Variants in HOXD3 observed in about 807,000 individuals in gnomAD.
The protein encoded by HOXD3 is homeobox protein Hox-D3.
Under a neutral mutation model 32.8 loss-of-function variants are expected in HOXD3, and 13 were observed. The observed-to-expected ratio is 0.40, with a 90% CI of 0.26 to 0.63. The LOEUF (loss-of-function observed/expected upper bound fraction) is 0.63. Among genes scored for constraint, HOXD3 ranks in the 20% least tolerant of loss-of-function variants. HOXD3 has a pLI of 0.44. For missense variants in HOXD3, 504 were observed against 577.1 expected, an observed-to-expected ratio of 0.87 and a Z score of 1.30; for synonymous variants, 241 against 246.8, an observed-to-expected ratio of 0.98 and a Z score of 0.22.
intron 1 of HOXD3, among the ~76,000 whole-genome samples, chr2:176,162,684 C>T (rs1415355407): frequency 6.6e-6 from 1 of 152,128 alleles, no homozygotes; most frequent in Non-Finnish European, 1.5e-5. Flanking sequence ...GCCTCTTACG[C>T]CAAGAGCTCA....
chr2:176,170,128 C>A (rs1386413080), intron 3 of HOXD3, among the ~76,000 whole-genome samples: 2 of 152,100 alleles, frequency 1.3e-5, no homozygotes, highest in East Asian at 1.9e-4. Flanking sequence ...TTTCAAAGAA[C>A]CTTTTGAGGT....
At chr2:176,158,817 AC>A (rs796798335) in intron 1 of HOXD3, among the ~76,000 whole-genome samples, 15 of 74,786 alleles carry the variant, frequency 2.0e-4, no homozygotes, top group South Asian at 1.1e-3. Flanking sequence ...CTCCCCTCCC[AC>A]CCCCCCCACT....
At chr2:176,158,379 T>C (rs1237132918) in intron 1 of HOXD3, among the ~76,000 whole-genome samples, 2 of 152,168 alleles carry the variant, frequency 1.3e-5, no homozygotes, top group African/African-American at 2.4e-5. Flanking sequence ...CTCCGCTCCG[T>C]TCCACCCCAT....
upstream of HOXD3, chr2:176,152,534 G>A (rs1690560815): frequency 4.6e-6 from 6 of 1,309,402 alleles, no homozygotes; most frequent in Admixed American, 6.9e-5. This position sits in a 1 kb window ranked among gnomAD's most constrained non-coding sequence, Gnocchi z 5.2. Context: ...GCGCCAGGAA[G>A]TGAGCGGCGG....
At chr2:176,161,606 A>G (rs1244120377) in intron 1 of HOXD3, among the ~76,000 whole-genome samples, 1 of 152,160 alleles carries the variant, frequency 6.6e-6, no homozygotes, top group African/African-American at 2.4e-5. Context: ...TTGTTCCGGT[A>G]GCGAGCTCCA....
chr2:176,171,390 C>T (rs759212333), intron 3 of HOXD3, 127 bp from the exon 4 acceptor site: 7 of 901,884 alleles, frequency 7.8e-6, no homozygotes, highest in African/African-American at 1.7e-5. Flanking sequence ...ACGGCCCTTC[C>T]CCTCCCCAGC....
intron 1 of HOXD3, among the ~76,000 whole-genome samples, chr2:176,163,036 C>A (rs375393500): frequency 6.6e-6 from 1 of 152,104 alleles, no homozygotes; most frequent in African/African-American, 2.4e-5. Context: ...GGGGGGCGGG[C>A]AAGTGGCTTT....
At chr2:176,165,907 TTTTTAGG>T (rs1438716281) in intron 2 of HOXD3, among the ~76,000 whole-genome samples, 1 of 152,200 alleles carries the variant, frequency 6.6e-6, no homozygotes, top group Non-Finnish European at 1.5e-5. Flanking sequence ...CCGTTCCTGC[TTTTTAGG>T]TTCAAGCAGA....
At chr2:176,168,610 G>A (rs952804744) in intron 2 of HOXD3, among the ~76,000 whole-genome samples, 2 of 145,624 alleles carry the variant, frequency 1.4e-5, no homozygotes, top group East Asian at 3.9e-4. Context: ...GCCAGGCATG[G>A]TGGGCACCTG....
upstream of HOXD3, among the ~76,000 whole-genome samples, chr2:176,153,797 C>T (rs999066229): frequency 3.3e-5 from 5 of 151,952 alleles, no homozygotes; most frequent in African/African-American, 1.2e-4. Context: ...TTTTTCAGCA[C>T]TGTGCTTACA....
chr2:176,160,419 C>G (rs990601187), intron 1 of HOXD3, among the ~76,000 whole-genome samples: 5 of 152,202 alleles, frequency 3.3e-5, no homozygotes, highest in Admixed American at 3.3e-4. Flanking sequence ...AAGACTGAGT[C>G]GGCCCGGAGC....
chr2:176,160,595 T>G (rs1489059131), intron 1 of HOXD3, among the ~76,000 whole-genome samples: 1 of 152,162 alleles, frequency 6.6e-6, no homozygotes, highest in African/African-American at 2.4e-5. Flanking sequence ...CAAGCTTCCC[T>G]CGGGGTCACG....
At chr2:176,156,636 C>T (rs1690649926), upstream of HOXD3, among the ~76,000 whole-genome samples, 1 of 152,148 alleles carries the variant, frequency 6.6e-6, no homozygotes, top group South Asian at 2.1e-4. Context: ...ACTCCAGCAC[C>T]TGCCCCTCCT....
upstream of HOXD3, among the ~76,000 whole-genome samples, chr2:176,153,758 A>G (rs1168557668): frequency 6.6e-6 from 1 of 152,214 alleles, no homozygotes; most frequent in Non-Finnish European, 1.5e-5. Context: ...TCAAAGTTGC[A>G]TTCTTGAAAA....
At chr2:176,168,618 C>G (rs1222658888) in intron 2 of HOXD3, among the ~76,000 whole-genome samples, 3 of 149,894 alleles carry the variant, frequency 2.0e-5, no homozygotes, top group African/African-American at 7.6e-5. Context: ...TGGTGGGCAC[C>G]TGTAGCTACT....
In HOXD3 at chr2:176,169,073, A is replaced by G; in HGVS notation, c.-42A>G. 1 of 1,558,320 alleles carries G rather than the reference A, an allele frequency of 6.4e-7. No homozygotes were observed. Among genetic ancestry groups the G allele is most frequent in the Non-Finnish European group, 8.7e-7 (1 of 1,150,338 alleles). ...GGCCGGCCCAGCTCTCTCAGGATTC[A>G]GCAGACATTGGAGGTGGCAGTGAAG... On this transcript the variant is annotated 5_prime_UTR_variant, in exon 3 of 4. Transcript: ENST00000683222.
chr2:176,172,132 G>T lies in HOXD3; in HGVS notation c.1157G>T (p.Ser386Ile). 6.2e-7 allele frequency: 1 copy of T among 1,613,196 alleles called. No homozygotes were observed. Among genetic ancestry groups the T allele is most frequent in the Non-Finnish European group, 8.5e-7 (1 of 1,180,002 alleles). The change falls in exon 4 of 4, where the codon AGC becomes ATC. Residue 386 changes from serine to isoleucine, a missense_variant. By Grantham distance (142) the Ser-to-Ile change is moderately radical. This residue lies in a region of HOXD3 where 226 missense variants were observed against 246.9 expected (regional missense o/e 0.92). Coordinates refer to ENST00000683222, the MANE Select transcript of HOXD3 (RefSeq NM_006898.5). ...CACCTCTCGCACCCGTCGTCGGCCA[G>T]CGTGGACTACAGTTGCGCCGCGCAG... ...LGHLSHPSSASVDYSCAAQIP... is the reference protein window; with the variant it reads ...LGHLSHPSSAIVDYSCAAQIP...
chr2:176,171,406 T>C, intron 3 of HOXD3, 111 bp from the exon 4 acceptor site: 2 of 1,002,752 alleles, frequency 2.0e-6, no homozygotes, highest in Non-Finnish European at 2.8e-6. Context: ...CCAGCCAGGA[T>C]TGGAGGTGGG....
At chr2:176,155,564 A>G (rs953124963), upstream of HOXD3, among the ~76,000 whole-genome samples, 3 of 152,158 alleles carry the variant, frequency 2.0e-5, no homozygotes, top group Admixed American at 6.5e-5. Flanking sequence ...CCCAACCCTG[A>G]GGTCCCAGTC....
Sources: allele counts gnomAD v4.1 joint callset (sites outside exome capture counted in the v4.1 genomes callset), GRCh38; gene constraint gnomAD v4.1.1; regional missense constraint gnomAD v4.1.1; non-coding constraint Gnocchi (gnomAD v3.1); transcripts MANE v1.5; gene names NCBI Gene and HGNC (gene_info 2026-07-23, HGNC 2026-07-21).